SPEN: variants seen among roughly 807,000 people sequenced by gnomAD.
SPEN encodes spen family transcriptional repressor, also known as msx2-interacting protein.
In SPEN, 18 loss-of-function variants were observed where a neutral mutation model predicts 269.9. That is an observed-to-expected ratio of 0.07 (90% CI 0.05 to 0.10). SPEN has a LOEUF of 0.10. Ranked by LOEUF, SPEN falls within the 10% of genes least tolerant of loss-of-function variation. The probability of loss-of-function intolerance (pLI) is 1.00; values close to 1 mark genes in which losing one functional copy is unlikely to be tolerated. For missense variants in SPEN, 3,822 were observed against 4,631.2 expected, an observed-to-expected ratio of 0.83 and a Z score of 5.07; for synonymous variants, 1,726 against 1,765.7, an observed-to-expected ratio of 0.98 and a Z score of 0.56.
At position 15,934,049 on chromosome 1, in the gene SPEN, A is replaced by C; in HGVS notation, c.7809A>C (p.Val2603=). The change falls in exon 11 of 15, where the codon GTA becomes GTC. Residue 2603 remains valine, a synonymous_variant. Coordinates refer to ENST00000375759, the MANE Select transcript of SPEN (RefSeq NM_015001.3). This position sits in a 1 kb window ranked among gnomAD's most constrained non-coding sequence, Gnocchi z 9.2. ...AGATACAAGCCTCGGAGGTGCTGGT[A>C]GCTGCTGACAAGGAAAAGGTGGCTC... ...NSEIQASEVL[V]AADKEKVAPV... 1 of 1,611,524 alleles carries C rather than the reference A, an allele frequency of 6.2e-7. No individual in the cohort carries two copies. The highest frequency in any genetic ancestry group is 1.3e-5 in the African/African-American group (1 of 74,918).
intron 1 of SPEN, among the ~76,000 whole-genome samples, chr1:15,849,021 A>T (rs535113823): frequency 6.6e-6 from 1 of 152,230 alleles, no homozygotes; most frequent in East Asian, 1.9e-4. Flanking sequence ...ATTTTTGTGA[A>T]TTATAAGAAT....
intron 3 of SPEN, among the ~76,000 whole-genome samples, chr1:15,905,775 A>G (rs2148726373): frequency 6.6e-6 from 1 of 151,202 alleles, no homozygotes; most frequent in Admixed American, 6.6e-5. Context: ...GGGTTTCACC[A>G]TGTTGGCCAG....
At chr1:15,869,698 C>A (rs1287845383) in intron 1 of SPEN, among the ~76,000 whole-genome samples, 6 of 151,848 alleles carry the variant, frequency 4.0e-5, no homozygotes. Context: ...ACTGATGCTC[C>A]TGCCTCAACC....
At position 15,847,996 on chromosome 1, in the gene SPEN, C is replaced by T. The variant is rs1393158296; in HGVS notation, c.-72C>T. 2.4e-5 allele frequency: 26 copies of T among 1,066,840 alleles called. No individual in the cohort carries two copies. The highest frequency in any genetic ancestry group is 2.4e-4 in the Middle Eastern group (1 of 4,174). 66.1% of individuals were successfully genotyped at this position (1,066,840 alleles called of 1,614,324 possible). ...CCGCCGCCGCCCCGGCACCCGCCTC[C>T]CGGCGCTGACGGTCTCGTACGAAGC... is the stretch of plus-strand genomic sequence containing the variant. On this transcript the variant is annotated 5_prime_UTR_variant, in exon 1 of 15. Transcript: ENST00000375759.
In SPEN at chr1:15,928,953, A is replaced by G. The variant is rs2071194985; in HGVS notation, c.2713A>G (p.Asn905Asp). The G allele has an allele frequency of 7.4e-6, 12 of 1,614,252 alleles. No individual in the cohort carries two copies. The highest frequency in any genetic ancestry group is 1.0e-5 in the Non-Finnish European group (12 of 1,180,058). The stretch of plus-strand genomic sequence containing the variant: ...GGAAAAGTTGAAAGCCAAGCTTGAT[A>G]ATGACACTGTCAAATCTTCTGCCCT... ...PVEKLKAKLD[N>D]DTVKSSALDQ... Residue 905 changes from asparagine (N) to aspartate (D), a missense_variant, in exon 11 of 15, where the codon AAT (asparagine) becomes GAT (aspartate). Physicochemically the swap from Asn to Asp is conservative, Grantham distance 23. Coordinates refer to ENST00000375759, the MANE Select transcript of SPEN (RefSeq NM_015001.3). The surrounding 1 kb of genome is among the most constrained non-coding windows in gnomAD (Gnocchi z 5.7).
intron 1 of SPEN, among the ~76,000 whole-genome samples, chr1:15,851,711 G>A (rs2070337870): frequency 6.6e-6 from 1 of 152,174 alleles, no homozygotes; most frequent in Non-Finnish European, 1.5e-5. Flanking sequence ...GAGGCTGGGT[G>A]CGGTGGCTCA....
intron 3 of SPEN, among the ~76,000 whole-genome samples, chr1:15,888,922 G>A (rs994117473): frequency 2.0e-5 from 3 of 152,002 alleles, no homozygotes; most frequent in Admixed American, 6.6e-5. Context: ...GAACCACTGC[G>A]CCCGGCCAAT....
chr1:15,905,739 A>G (rs1351643327), intron 3 of SPEN, among the ~76,000 whole-genome samples: 1 of 149,808 alleles, frequency 6.7e-6, no homozygotes, highest in Non-Finnish European at 1.5e-5. Context: ...TGCCCAGCCA[A>G]TTTTTTTGTA....
intron 3 of SPEN, among the ~76,000 whole-genome samples, chr1:15,876,988 CTT>C (rs1569993828): frequency 6.6e-6 from 1 of 152,092 alleles, no homozygotes; most frequent in East Asian, 1.9e-4. Flanking sequence ...TATGGTATCT[CTT>C]TAACATTTTT....
At position 15,919,391 on chromosome 1, in the gene SPEN, CT is replaced by C; in HGVS notation, c.1522-9del. 1 of 1,552,782 alleles carries C rather than the reference CT, an allele frequency of 6.4e-7. No homozygotes were observed. Among genetic ancestry groups the C allele is most frequent in the South Asian group, 1.2e-5 (1 of 81,948 alleles). On this transcript the variant is annotated splice_polypyrimidine_tract_variant and intron_variant, in intron 7 of 14. Coordinates refer to ENST00000375759, the MANE Select transcript of SPEN (RefSeq NM_015001.3). ...TGAACTTTACTAATAGAAATTTTGC[CT>C]TTTATATTCAGCTGGGTTTTGGAAA... is the stretch of plus-strand genomic sequence containing the variant.
intron 3 of SPEN, among the ~76,000 whole-genome samples, chr1:15,908,486 G>A (rs2070982032): frequency 6.6e-6 from 1 of 151,622 alleles, no homozygotes; most frequent in Non-Finnish European, 1.5e-5. Flanking sequence ...GCAGTGATGC[G>A]ATCTTGGCTC....
chr1:15,868,975 A>G (rs2070545522), intron 1 of SPEN, among the ~76,000 whole-genome samples: 2 of 152,224 alleles, frequency 1.3e-5, no homozygotes, highest in African/African-American at 4.8e-5. Flanking sequence ...ATATGGGGAT[A>G]TCAGTAATTG....
intron 1 of SPEN, among the ~76,000 whole-genome samples, chr1:15,870,620 G>A (rs1569985426): frequency 4.6e-5 from 7 of 152,208 alleles, no homozygotes. Flanking sequence ...AGCATGACTT[G>A]TGTGAGAATG....
chr1:15,915,285 A>G (rs1257388956), intron 5 of SPEN, among the ~76,000 whole-genome samples: 1 of 152,084 alleles, frequency 6.6e-6, no homozygotes. Flanking sequence ...CTGAGGCAGG[A>G]GGATTGCTTG....
Position 15,862,766 on chromosome 1 carries a change from C to CT in SPEN, c.84-10037dup, listed in dbSNP as rs879452831. Among the ~76,000 whole-genome samples the CT allele has an allele frequency of 7.3e-3, 1,046 of 143,956 alleles. 27 individuals carry two copies. In the East Asian group the frequency reaches 0.089, roughly 12 times the overall value. The allele number at this position is 143,956 out of a possible 152,430, so 94.4% of individuals were successfully genotyped here. On this transcript the variant is annotated intron_variant, in intron 1 of 14. Transcript: ENST00000375759. ...ATGCCTGTAATCCCAGCACTTTCTG[C>CT]TTTTTTTTTTTTTGAGACGGAGTCT...
At position 15,932,623 on chromosome 1, in the gene SPEN, A is replaced by G. The variant is rs755930976; in HGVS notation, c.6383A>G (p.Gln2128Arg). The G allele has an allele frequency of 6.2e-7, 1 of 1,610,550 alleles. No homozygotes were observed. The highest frequency in any genetic ancestry group is 1.3e-5 in the African/African-American group (1 of 74,750). The part of the protein sequence containing the change: ...AVSPEKSESP[Q>R]KEDGLSSQLK... ...TCCCCTGAGAAAAGTGAGAGTCCCC[A>G]AAAGGAGGATGGTTTATCATCCCAG... is the stretch of plus-strand genomic sequence containing the variant. Residue 2128 changes from glutamine to arginine, a missense_variant, in exon 11 of 15, where the codon CAA (glutamine) becomes CGA (arginine). Gln to Arg is a conservative substitution (Grantham distance 43, BLOSUM62 1). This residue lies in a region of SPEN where 727 missense variants were observed against 737.9 expected (regional missense o/e 0.99). Coordinates refer to ENST00000375759, the MANE Select transcript of SPEN (RefSeq NM_015001.3). This position sits in a 1 kb window ranked among gnomAD's most constrained non-coding sequence, Gnocchi z 4.2.
At chr1:15,857,703 C>T (rs7518529) in intron 1 of SPEN, among the ~76,000 whole-genome samples, 13,674 of 151,712 alleles carry the variant, frequency 0.09, 744 homozygotes, top group African/African-American at 0.14. Context: ...TTTTTCTACC[C>T]AGGTTGGAGT....
chr1:15,891,860 A>AC (rs1004784995), intron 3 of SPEN, among the ~76,000 whole-genome samples: 4 of 151,794 alleles, frequency 2.6e-5, no homozygotes, highest in Non-Finnish European at 4.4e-5. Flanking sequence ...ATCTCAGTAG[A>AC]ACTGTTTAAA....
intron 1 of SPEN, among the ~76,000 whole-genome samples, chr1:15,862,767 T>C (rs1411348602): frequency 7.1e-6 from 1 of 141,346 alleles, no homozygotes; most frequent in Non-Finnish European, 1.6e-5. Flanking sequence ...CACTTTCTGC[T>C]TTTTTTTTTT....
Sources: allele counts gnomAD v4.1 joint callset (sites outside exome capture counted in the v4.1 genomes callset), GRCh38; gene constraint gnomAD v4.1.1; regional missense constraint gnomAD v4.1.1; non-coding constraint Gnocchi (gnomAD v3.1); transcripts MANE v1.5; gene names NCBI Gene and HGNC (gene_info 2026-07-23, HGNC 2026-07-21).